Variants in MTCL2 observed in about 807,000 individuals in gnomAD.
The protein encoded by MTCL2 is microtubule crosslinking factor 2.
At chr20:36,790,803 T>C in the MTCL2 span, among the ~76,000 whole-genome samples, 1 of 150,872 alleles carries the variant, frequency 6.6e-6, no homozygotes, top group East Asian at 2.0e-4. Flanking sequence ...CTTGAACTCC[T>C]AGCTCAAGTG....
chr20:36,790,428 CTTTTT>C, the MTCL2 span, among the ~76,000 whole-genome samples: 45 of 101,134 alleles, frequency 4.4e-4, no homozygotes, highest in African/African-American at 1.7e-3. Flanking sequence ...ACGCCTGGCC[CTTTTT>C]TTTTTTTTTT....
the MTCL2 span, among the ~76,000 whole-genome samples, chr20:36,789,664 CAAA>C: frequency 8.7e-6 from 1 of 115,382 alleles, no homozygotes. Context: ...GGCTCCGTCT[CAAA>C]AAAAAAAAAA....
the MTCL2 span, among the ~76,000 whole-genome samples, chr20:36,814,835 C>T: frequency 4.6e-5 from 7 of 152,016 alleles, no homozygotes; most frequent in Non-Finnish European, 8.8e-5. Flanking sequence ...TACAGTGAGC[C>T]GAGATTGCGC....
chr20:36,823,388 GCC>G, the MTCL2 span, among the ~76,000 whole-genome samples: 1 of 152,176 alleles, frequency 6.6e-6, no homozygotes, highest in African/African-American at 2.4e-5. Context: ...CAGACCCGCA[GCC>G]CTCACGGTGG....
At chr20:36,814,151 G>A in the MTCL2 span, among the ~76,000 whole-genome samples, 1 of 152,052 alleles carries the variant, frequency 6.6e-6, no homozygotes, top group Non-Finnish European at 1.5e-5. Flanking sequence ...TGATATTTTG[G>A]GTGACTCTGC....
At chr20:36,815,721 G>A in the MTCL2 span, 9 of 1,597,754 alleles carry the variant, frequency 5.6e-6, no homozygotes, top group Non-Finnish European at 7.7e-6. This position sits in a 1 kb window ranked among gnomAD's most constrained non-coding sequence, Gnocchi z 5.3. Flanking sequence ...CTTGGCGGCC[G>A]CCAGCTCCTC....
the MTCL2 span, among the ~76,000 whole-genome samples, chr20:36,841,035 C>T: frequency 6.6e-6 from 1 of 151,582 alleles, no homozygotes; most frequent in Non-Finnish European, 1.5e-5. Context: ...CCTGGCTGGG[C>T]GCAGTGGCTC....
chr20:36,829,193 A>G, the MTCL2 span: 5 of 1,610,774 alleles, frequency 3.1e-6, no homozygotes, highest in Non-Finnish European at 4.2e-6. Context: ...ATGCAGCCGC[A>G]TGGAGATGTC....
At chr20:36,848,467 G>A in the MTCL2 span, among the ~76,000 whole-genome samples, 2 of 152,198 alleles carry the variant, frequency 1.3e-5, no homozygotes, top group African/African-American at 4.8e-5. Context: ...GCTAATAATA[G>A]CAAGATCTTG....
the MTCL2 span, among the ~76,000 whole-genome samples, chr20:36,839,869 T>C: frequency 5.3e-5 from 8 of 152,170 alleles, no homozygotes; most frequent in Admixed American, 5.2e-4. The surrounding 1 kb of genome is among the most constrained non-coding windows in gnomAD (Gnocchi z 5.1). Context: ...GTTCATTTTT[T>C]TGTTGTTTTT....
chr20:36,862,953 G>A, the MTCL2 span: 10 of 1,399,728 alleles, frequency 7.1e-6, no homozygotes, highest in Non-Finnish European at 9.3e-6. Flanking sequence ...CAGCAGGCGC[G>A]CCTCCTCCGA....
At chr20:36,786,775 A>G in the MTCL2 span, 1 of 752,276 alleles carries the variant, frequency 1.3e-6, no homozygotes, top group Non-Finnish European at 2.1e-6. Context: ...TCCTCACTGG[A>G]CCAATTTTTT....
At chr20:36,841,417 A>AG in the MTCL2 span, among the ~76,000 whole-genome samples, 4 of 151,812 alleles carry the variant, frequency 2.6e-5, no homozygotes, top group Admixed American at 6.6e-5. Flanking sequence ...TGATAGGGTG[A>AG]GGGGGGGTGC....
chr20:36,862,715 C>T, the MTCL2 span: 7 of 1,500,418 alleles, frequency 4.7e-6, no homozygotes, highest in Non-Finnish European at 6.2e-6. Context: ...AGCCGCTGGG[C>T]CCGCAGTCCA....
At chr20:36,777,567 C>T in the MTCL2 span, 1 of 420,378 alleles carries the variant, frequency 2.4e-6, no homozygotes, top group Non-Finnish European at 4.2e-6. Context: ...GTGGATTGGA[C>T]TGCAGTTGTC....
chr20:36,779,877 T>G, the MTCL2 span: 1 of 152,010 alleles, frequency 6.6e-6, no homozygotes, highest in African/African-American at 2.4e-5. Context: ...AAACCTGGCA[T>G]GGACCAGGGC....
the MTCL2 span, among the ~76,000 whole-genome samples, chr20:36,836,402 T>C: frequency 1.4e-5 from 2 of 140,346 alleles, no homozygotes; most frequent in Admixed American, 7.6e-5. Flanking sequence ...CAGGCTGGAC[T>C]GCAATGGTGT....
the MTCL2 span, among the ~76,000 whole-genome samples, chr20:36,796,281 C>G: frequency 2.0e-5 from 3 of 152,326 alleles, no homozygotes; most frequent in South Asian, 6.2e-4. Context: ...GGAAGTACTG[C>G]TCAAGGTCAA....
chr20:36,815,427 G>A, the MTCL2 span: 2 of 1,612,598 alleles, frequency 1.2e-6, no homozygotes, highest in East Asian at 2.2e-5. This position sits in a 1 kb window ranked among gnomAD's most constrained non-coding sequence, Gnocchi z 5.3. Context: ...ATTGGCATCA[G>A]CCACCAGGAC....
Sources: allele counts gnomAD v4.1 joint callset (sites outside exome capture counted in the v4.1 genomes callset), GRCh38; gene constraint gnomAD v4.1.1; non-coding constraint Gnocchi (gnomAD v3.1); transcripts MANE v1.5; gene names NCBI Gene and HGNC (gene_info 2026-07-23, HGNC 2026-07-21).